Variants in MICU3 observed in about 807,000 individuals in gnomAD.
MICU3 encodes the protein calcium uptake protein 3, mitochondrial.
A neutral mutation model predicts 66.5 loss-of-function variants in MICU3; 62 were observed. The observed-to-expected ratio is 0.93, with a 90% CI of 0.76 to 1.15. The LOEUF (loss-of-function observed/expected upper bound fraction) is 1.15, where lower values mean the gene tolerates loss of function less well. MICU3 is among the 50% of genes most tolerant of loss of function. The probability of loss-of-function intolerance (pLI) is 0.00; values close to 1 mark genes in which losing one functional copy is unlikely to be tolerated. For synonymous variants in MICU3, 308 were observed against 240.7 expected, an observed-to-expected ratio of 1.28 and a Z score of -2.59; for missense variants, 779 against 664.4, an observed-to-expected ratio of 1.17 and a Z score of -1.90.
At chr8:17,038,888 G>C (rs1213970670) in intron 1 of MICU3, among the ~76,000 whole-genome samples, 1 of 151,722 alleles carries the variant, frequency 6.6e-6, no homozygotes, top group Non-Finnish European at 1.5e-5. Flanking sequence ...GGGAGGTGGA[G>C]CTTGCAGTGA....
chr8:17,130,379 C>T, the MICU3 span, among the ~76,000 whole-genome samples: 12 of 151,790 alleles, frequency 7.9e-5, no homozygotes, highest in South Asian at 2.1e-4. Flanking sequence ...AAAAATTAGC[C>T]GGGCGTGGTG....
chr8:17,105,506 T>C lies in MICU3; in HGVS notation c.1179T>C (p.His393=), dbSNP rs1801664971. 2.5e-6 allele frequency: 4 copies of C among 1,580,590 alleles called. No individual in the cohort carries two copies. In the South Asian group the frequency reaches 4.6e-5, roughly 18 times the overall value. Residue 393 remains histidine, a synonymous_variant, in exon 11 of 15, where the codon CAT becomes CAC. Coordinates refer to ENST00000318063, the MANE Select transcript of MICU3 (RefSeq NM_181723.3). ...CCATCAGTGAAGAAGATTTTGCTCA[T>C]ATTCTTTTACGATATACAAATGTGG... ...MNTISEEDFA[H]ILLRYTNVEN...
intron 1 of MICU3, among the ~76,000 whole-genome samples, chr8:17,050,012 A>T (rs1815792254): frequency 6.6e-6 from 1 of 152,172 alleles, no homozygotes; most frequent in East Asian, 1.9e-4. Flanking sequence ...AAACTATTCC[A>T]TGGGTGTGCC....
downstream of MICU3, among the ~76,000 whole-genome samples, chr8:17,123,415 G>C (rs1206006234): frequency 1.3e-5 from 2 of 151,914 alleles, no homozygotes; most frequent in South Asian, 2.1e-4. Flanking sequence ...GAATGGAGAG[G>C]GATCTGAATG....
chr8:17,070,347 A>C (rs1163519353), intron 3 of MICU3, among the ~76,000 whole-genome samples: 1 of 152,148 alleles, frequency 6.6e-6, no homozygotes, highest in African/African-American at 2.4e-5. Context: ...TCTCAGAAAC[A>C]TGATGGTAAA....
intron 1 of MICU3, among the ~76,000 whole-genome samples, chr8:17,031,948 G>C (rs918454890): frequency 6.6e-6 from 1 of 151,892 alleles, no homozygotes; most frequent in African/African-American, 2.4e-5. Context: ...TTCTTTACTT[G>C]TCTTAGCCCC....
At chr8:17,045,133 G>A (rs1007623467) in intron 1 of MICU3, among the ~76,000 whole-genome samples, 1 of 151,996 alleles carries the variant, frequency 6.6e-6, no homozygotes, top group African/African-American at 2.4e-5. Flanking sequence ...TGAGAAAGAG[G>A]CTTTTAAACG....
chr8:17,100,539 A>G (rs1181337559), intron 9 of MICU3, among the ~76,000 whole-genome samples: 1 of 151,856 alleles, frequency 6.6e-6, no homozygotes, highest in Non-Finnish European at 1.5e-5. Context: ...TGTTTATAGT[A>G]TTAGTATTTC....
At chr8:17,114,052 TGGC>T in intron 11 of MICU3, 38 bp from the exon 12 acceptor site, 1 of 1,131,214 alleles carries the variant, frequency 8.8e-7, no homozygotes, top group Non-Finnish European at 1.2e-6. Context: ...TTAATAAATT[TGGC>T]AATACTAAAT....
At position 17,045,239 on chromosome 8, in the gene MICU3, A is replaced by G. The variant is rs539476494; in HGVS notation, c.381+17579A>G. Among the ~76,000 whole-genome samples the G allele has an allele frequency of 5.9e-5, 9 of 152,310 alleles. No individual in the cohort carries two copies. In the East Asian group the frequency reaches 1.7e-3, roughly 29 times the overall value. On this transcript the variant is annotated intron_variant, in intron 1 of 14. Coordinates refer to ENST00000318063, the MANE Select transcript of MICU3 (RefSeq NM_181723.3). ...ACAGTTCCTGGCTCGTAACTACCAT[A>G]GTCCTTGATAAACAGACTCTCTCTC...
At chr8:17,116,874 T>C (rs1802733673) in intron 13 of MICU3, among the ~76,000 whole-genome samples, 1 of 152,190 alleles carries the variant, frequency 6.6e-6, no homozygotes, top group Admixed American at 6.5e-5. Flanking sequence ...GGAAGAAAAA[T>C]GTTGCCAAAT....
At chr8:17,128,728 C>T in the MICU3 span, among the ~76,000 whole-genome samples, 1 of 152,110 alleles carries the variant, frequency 6.6e-6, no homozygotes, top group African/African-American at 2.4e-5. Flanking sequence ...AAGGGCTTTC[C>T]AAACTACAGC....
At chr8:17,032,644 G>C (rs1301933483) in intron 1 of MICU3, among the ~76,000 whole-genome samples, 2 of 152,144 alleles carry the variant, frequency 1.3e-5, no homozygotes, top group Non-Finnish European at 1.5e-5. Context: ...CATATCTTGA[G>C]ATGTGAGGAT....
At position 17,117,607 on chromosome 8, in the gene MICU3, C is replaced by CTG. The variant is rs1329570431; in HGVS notation, c.1524+1008_1524+1009insGT. 1.1e-3 allele frequency among the ~76,000 whole-genome samples: 144 copies of CTG among 129,440 alleles called. 2 individuals are homozygous for CTG. Among genetic ancestry groups the CTG allele is most frequent in the Non-Finnish European group, 1.8e-3 (113 of 61,798 alleles). The allele number at this position is 129,440 out of a possible 152,430, so 84.9% of individuals were successfully genotyped here. On this transcript the variant is annotated intron_variant, in intron 13 of 14. Coordinates refer to ENST00000318063, the MANE Select transcript of MICU3 (RefSeq NM_181723.3). ...TGCAAGAATATCCCTAAGTTTTATC[C>CTG]TTTTTTTTTTTTTTTTTTGAGATGG...
intron 11 of MICU3, among the ~76,000 whole-genome samples, chr8:17,106,231 T>A (rs1210985518): frequency 6.6e-6 from 1 of 152,078 alleles, no homozygotes; most frequent in Admixed American, 6.6e-5. Flanking sequence ...TGCCTTCTAT[T>A]TGTGTTTAGA....
At chr8:17,071,622 A>G (rs1421901259) in intron 3 of MICU3, among the ~76,000 whole-genome samples, 1 of 152,212 alleles carries the variant, frequency 6.6e-6, no homozygotes, top group Non-Finnish European at 1.5e-5. Flanking sequence ...AGAGGCTCTA[A>G]GGATTAGAAT....
intron 4 of MICU3, among the ~76,000 whole-genome samples, chr8:17,079,545 A>G (rs949208051): frequency 6.6e-6 from 1 of 151,888 alleles, no homozygotes; most frequent in African/African-American, 2.4e-5. Context: ...TTTTTGTTTT[A>G]TTTTATTTAT....
At chr8:17,107,670 A>G (rs1327387420) in intron 11 of MICU3, among the ~76,000 whole-genome samples, 3 of 152,186 alleles carry the variant, frequency 2.0e-5, no homozygotes, top group Admixed American at 2.0e-4. Context: ...TTTTTACACT[A>G]TAATGGTAAA....
At chr8:17,104,522 T>G in intron 10 of MICU3, 31 bp downstream of exon 10, 1 of 1,162,964 alleles carries the variant, frequency 8.6e-7, no homozygotes, top group Non-Finnish European at 1.2e-6. Context: ...TTATTAAAAA[T>G]TATTAGCCTA....
Sources: allele counts gnomAD v4.1 joint callset (sites outside exome capture counted in the v4.1 genomes callset), GRCh38; gene constraint gnomAD v4.1.1; transcripts MANE v1.5; gene names NCBI Gene and HGNC (gene_info 2026-07-23, HGNC 2026-07-21).